The following PGAP4 variants were observed in gnomAD, a reference collection of about 807,000 sequenced individuals.
The protein encoded by PGAP4 is GPI-N-acetylgalactosamine transferase PGAP4.
In PGAP4, 12 loss-of-function variants were observed where a neutral mutation model predicts 28.2. The observed-to-expected ratio is 0.42, with a 90% confidence interval of 0.27 to 0.69. The LOEUF (loss-of-function observed/expected upper bound fraction) is 0.69, where lower values mean the gene tolerates loss of function less well. Among genes scored for constraint, PGAP4 ranks in the 30% least tolerant of loss-of-function variants. PGAP4 has a pLI of 0.22. For synonymous variants in PGAP4, 205 were observed against 211.8 expected, an observed-to-expected ratio of 0.97 and a Z score of 0.28; for missense variants, 425 against 513.5, an observed-to-expected ratio of 0.83 and a Z score of 1.67.
At chr9:101,493,749 A>C (rs1448697265) in intron 2 of PGAP4, among the ~76,000 whole-genome samples, 4 of 152,124 alleles carry the variant, frequency 2.6e-5, no homozygotes, top group Admixed American at 6.6e-5. Context: ...TGACGTTAGC[A>C]GTTTGGTGAA....
intron 2 of PGAP4, among the ~76,000 whole-genome samples, chr9:101,518,018 C>T (rs1826956076): frequency 6.6e-6 from 1 of 152,020 alleles, no homozygotes; most frequent in African/African-American, 2.4e-5. Flanking sequence ...ATAGGTCACC[C>T]CTCAGACCTT....
intron 2 of PGAP4, among the ~76,000 whole-genome samples, chr9:101,516,030 C>T (rs1826940840): frequency 6.6e-6 from 1 of 152,036 alleles, no homozygotes; most frequent in Non-Finnish European, 1.5e-5. Flanking sequence ...TAAAACATCA[C>T]ATTGTCTCTT....
upstream of PGAP4, among the ~76,000 whole-genome samples, chr9:101,490,906 C>T (rs141296611): frequency 0.015 from 2,231 of 152,246 alleles, 56 homozygotes; most frequent in Admixed American, 0.062. Context: ...TTCTCGCTAT[C>T]GGCAAATTAT....
intron 2 of PGAP4, among the ~76,000 whole-genome samples, chr9:101,510,205 G>A (rs1355629138): frequency 1.3e-5 from 2 of 152,080 alleles, no homozygotes; most frequent in African/African-American, 4.8e-5. Flanking sequence ...CTTTTGAACT[G>A]CAGTCTGTCC....
At position 101,476,297 on chromosome 9, in the gene PGAP4, C is replaced by T; in HGVS notation, c.796G>A (p.Val266Ile). The T allele has an allele frequency of 6.2e-7, 1 of 1,614,086 alleles. No individual in the cohort carries two copies. Among genetic ancestry groups the T allele is most frequent in the South Asian group, 1.1e-5 (1 of 91,066 alleles). Residue 266 changes from valine to isoleucine, a missense_variant, in exon 2 of 2, where the codon GTT becomes ATT. Transcript: ENST00000374848. The surrounding 1 kb of genome is among the most constrained non-coding windows in gnomAD (Gnocchi z 7.0). Reference sequence around the variant, plus strand: ...GGCCCCAGCAACATGCCTACACCAACCCATTCCAGGATCCGCATGGGCTCT... The same window carrying T: ...GGCCCCAGCAACATGCCTACACCAATCCATTCCAGGATCCGCATGGGCTCT... The part of the protein sequence containing the change: ...NPEPMRILEW[V>I]GVGMLLGPLL...
chr9:101,507,609 G>A (rs921845028), intron 2 of PGAP4, among the ~76,000 whole-genome samples: 9 of 152,062 alleles, frequency 5.9e-5, no homozygotes, highest in East Asian at 3.9e-4. Context: ...AGGATAATAA[G>A]GGCATTACAA....
intron 1 of PGAP4, among the ~76,000 whole-genome samples, chr9:101,479,673 C>T (rs7035576): frequency 0.031 from 4,677 of 152,264 alleles, 234 homozygotes; most frequent in African/African-American, 0.1. Flanking sequence ...ATGGTCCCTA[C>T]CTATATTGAT....
At chr9:101,499,143 A>G (rs1188812931) in intron 2 of PGAP4, among the ~76,000 whole-genome samples, 1 of 152,068 alleles carries the variant, frequency 6.6e-6, no homozygotes, top group Non-Finnish European at 1.5e-5. Context: ...AAAGTATTTT[A>G]TAGCCCAGAA....
At chr9:101,492,762 G>C (rs988579127) in intron 2 of PGAP4, among the ~76,000 whole-genome samples, 3 of 151,954 alleles carry the variant, frequency 2.0e-5, no homozygotes, top group Non-Finnish European at 4.4e-5. Flanking sequence ...TGACTGAGTA[G>C]ATTAGTCATT....
Position 101,492,475 on chromosome 9 carries a change from T to C in PGAP4, c.-164-3275A>G, listed in dbSNP as rs73501270. Among the ~76,000 whole-genome samples, 1,471 of 152,272 alleles carry C rather than the reference T, an allele frequency of 9.7e-3. 19 individuals carry two copies. Among genetic ancestry groups the C allele is most frequent in the African/African-American group, 0.034 (1,399 of 41,560 alleles). The stretch of plus-strand genomic sequence containing the variant: ...ATTTTTGTCTTAAAGTCTCTGATAC[T>C]AACATAGCATCTCTAGCATTCCCAT... On this transcript the variant is annotated intron_variant, in intron 2 of 3. Coordinates refer to the PGAP4 transcript ENST00000374851.
intron 2 of PGAP4, among the ~76,000 whole-genome samples, chr9:101,495,212 TTTTA>T (rs1564097615): frequency 3.3e-5 from 3 of 90,876 alleles, no homozygotes; most frequent in Non-Finnish European, 6.2e-5. Flanking sequence ...ATCTTATATA[TTTTA>T]TATATATTAT....
chr9:101,525,694 C>T (rs1827029800), intron 2 of PGAP4, among the ~76,000 whole-genome samples: 1 of 106,420 alleles, frequency 9.4e-6, no homozygotes, highest in Non-Finnish European at 1.7e-5. Context: ...GGCAACAGAG[C>T]GTCTCAAAAA....
chr9:101,506,452 G>A (rs902722649), intron 2 of PGAP4, among the ~76,000 whole-genome samples: 5 of 151,950 alleles, frequency 3.3e-5, no homozygotes, highest in Non-Finnish European at 7.4e-5. Flanking sequence ...ATTGTATTTT[G>A]CTGTGTAACA....
intron 1 of PGAP4, among the ~76,000 whole-genome samples, chr9:101,477,920 C>T (rs951400321): frequency 4.0e-5 from 6 of 148,656 alleles, no homozygotes; most frequent in Non-Finnish European, 7.5e-5. Context: ...AATGAGGGAG[C>T]GGGGGGGGAA....
Position 101,474,864 on chromosome 9 carries a change from C to G in PGAP4, c.*1017G>C, listed in dbSNP as rs1408767475. The G allele has an allele frequency of 6.6e-6, 1 of 152,126 alleles. No homozygotes were observed. The highest frequency in any genetic ancestry group is 1.5e-5 in the Non-Finnish European group (1 of 68,044). The allele number at this position is 152,126 out of a possible 1,614,324, so 9.4% of individuals were successfully genotyped here. On this transcript the variant is annotated 3_prime_UTR_variant, in exon 2 of 2. Transcript: ENST00000374848. ...ACTTTAACATGTAAGTATTACTGTCCTCATTTTACAGGTGAAGAAATTGAG... is the reference window on the plus strand; with the variant it reads ...ACTTTAACATGTAAGTATTACTGTCGTCATTTTACAGGTGAAGAAATTGAG...
At chr9:101,504,004 T>A (rs1016219851) in intron 2 of PGAP4, among the ~76,000 whole-genome samples, 2 of 151,656 alleles carry the variant, frequency 1.3e-5, no homozygotes, top group African/African-American at 4.8e-5. Flanking sequence ...AAACTGAAAC[T>A]CAAAGGAAGG....
intron 1 of PGAP4, among the ~76,000 whole-genome samples, chr9:101,482,099 A>T (rs1382654242): frequency 6.6e-6 from 1 of 151,926 alleles, no homozygotes; most frequent in Non-Finnish European, 1.5e-5. Flanking sequence ...CAATTTGTAT[A>T]AAAAAATCAT....
intron 2 of PGAP4, among the ~76,000 whole-genome samples, chr9:101,526,347 T>C (rs1022312589): frequency 1.3e-5 from 2 of 152,252 alleles, no homozygotes; most frequent in Non-Finnish European, 2.9e-5. Flanking sequence ...AATGTCAAAA[T>C]TTGCTGCATG....
At chr9:101,495,678 G>A (rs981855426) in intron 2 of PGAP4, among the ~76,000 whole-genome samples, 19 of 150,038 alleles carry the variant, frequency 1.3e-4, no homozygotes, top group African/African-American at 3.4e-4. Flanking sequence ...TAAAAAAATA[G>A]AGTTTTAAAG....
Sources: gnomAD v4.1 joint callset for allele counts (sites outside exome capture counted in the v4.1 genomes callset) on GRCh38, gnomAD v4.1.1 for gene constraint, Gnocchi (gnomAD v3.1) non-coding constraint, MANE v1.5 for transcripts, NCBI Gene and HGNC (gene_info 2026-07-23, HGNC 2026-07-21) for gene names.